Variants in TANC1 observed in about 807,000 individuals in gnomAD.
TANC1 encodes tetratricopeptide repeat, ankyrin repeat and coiled-coil containing 1, also known as protein TANC1.
Under a neutral mutation model 149.7 loss-of-function variants are expected in TANC1, and 77 were observed. The observed-to-expected ratio is 0.51, with a 90% CI of 0.43 to 0.62. The LOEUF is 0.62. Ranked by LOEUF, TANC1 falls within the 20% of genes least tolerant of loss-of-function variation. The pLI is 0.00. For missense variants in TANC1, 1,985 were observed against 2,321.8 expected (o/e 0.85, Z 2.98); for synonymous variants, 854 against 925.0 (o/e 0.92, Z 1.39).
At chr2:159,113,093 C>T (rs12616335) in intron 4 of TANC1, among the ~76,000 whole-genome samples, 7,789 of 152,138 alleles carry the variant, frequency 0.051, 707 homozygotes, top group East Asian at 0.43. Flanking sequence ...TGTCACTACG[C>T]GTGGCTAATT....
chr2:159,226,479 TAGA>T (rs1414254932), intron 24 of TANC1: 1 of 152,244 alleles, frequency 6.6e-6, no homozygotes, highest in Admixed American at 6.5e-5. Flanking sequence ...CAGACATTTC[TAGA>T]AGAAAAGGGT....
intron 19 of TANC1, among the ~76,000 whole-genome samples, chr2:159,200,992 G>T (rs1310449827): frequency 1.3e-5 from 2 of 152,032 alleles, no homozygotes; most frequent in Non-Finnish European, 2.9e-5. Context: ...ATTTCATCAG[G>T]CAAGAGTTTA....
chr2:159,025,706 T>G (rs2039285843), intron 2 of TANC1, among the ~76,000 whole-genome samples: 1 of 152,204 alleles, frequency 6.6e-6, no homozygotes, highest in Non-Finnish European at 1.5e-5. Flanking sequence ...ACCATATTTT[T>G]ATTTATTTCT....
intron 19 of TANC1, 53 bp downstream of exon 19, chr2:159,199,106 C>A: frequency 6.9e-7 from 1 of 1,446,716 alleles, no homozygotes; most frequent in Non-Finnish European, 9.7e-7. Context: ...GATGTTTTAG[C>A]CCTATTTTGG....
At chr2:159,040,078 T>C (rs1475509978) in intron 2 of TANC1, among the ~76,000 whole-genome samples, 1 of 152,246 alleles carries the variant, frequency 6.6e-6, no homozygotes, top group African/African-American at 2.4e-5. Context: ...GCTCTTCTTG[T>C]TGTATTGATC....
intron 7 of TANC1, among the ~76,000 whole-genome samples, chr2:159,160,041 A>C (rs1179367403): frequency 6.6e-6 from 1 of 152,206 alleles, no homozygotes; most frequent in East Asian, 1.9e-4. Flanking sequence ...GTACACTAGT[A>C]CAAAGGAAGA....
intron 2 of TANC1, among the ~76,000 whole-genome samples, chr2:159,043,575 T>C (rs528348384): frequency 2.0e-5 from 3 of 152,336 alleles, no homozygotes; most frequent in East Asian, 3.9e-4. Flanking sequence ...AGTGCACTCT[T>C]TTGAAGCTTT....
intron 7 of TANC1, among the ~76,000 whole-genome samples, chr2:159,159,388 C>T (rs982894922): frequency 6.8e-5 from 10 of 146,958 alleles, no homozygotes; most frequent in East Asian, 2.0e-4. Flanking sequence ...TGCAGTGAGC[C>T]GAGATAGCAC....
intron 19 of TANC1, 148 bp downstream of exon 19, chr2:159,199,201 T>C: frequency 1.7e-6 from 1 of 572,502 alleles, no homozygotes; most frequent in Middle Eastern, 2.8e-4. Flanking sequence ...CCTTGAACTT[T>C]CTACATGAGT....
chr2:159,218,851 C>G (rs994763140), intron 20 of TANC1, among the ~76,000 whole-genome samples: 3 of 152,162 alleles, frequency 2.0e-5, no homozygotes, highest in Non-Finnish European at 2.9e-5. Context: ...GCTGTAGGTA[C>G]TTAGTTTCAG....
At chr2:159,186,579 G>C (rs1224562041) in intron 15 of TANC1, among the ~76,000 whole-genome samples, 1 of 152,124 alleles carries the variant, frequency 6.6e-6, no homozygotes, top group Admixed American at 6.5e-5. Context: ...GGAGGTGGAG[G>C]TTGAAGTGAG....
rs116662444 is a variant in TANC1 at position 159,075,736 on chromosome 2, G to A, written c.61+9765G>A. 3.6e-3 allele frequency among the ~76,000 whole-genome samples: 550 copies of A among 151,258 alleles called. 5 individuals are homozygous for A. Among genetic ancestry groups the A allele is most frequent in the African/African-American group, 0.012 (509 of 41,178 alleles). On this transcript the variant is annotated intron_variant, in intron 3 of 26. Transcript: ENST00000263635. ...GTACCAATGTACCATGGTTTTATTTGGGCCCATTTTGTTTCCATATTTTTT... is the reference window on the plus strand; with the variant it reads ...GTACCAATGTACCATGGTTTTATTTAGGCCCATTTTGTTTCCATATTTTTT...
At chr2:159,069,485 G>A (rs185412899) in intron 3 of TANC1, among the ~76,000 whole-genome samples, 23 of 152,080 alleles carry the variant, frequency 1.5e-4, no homozygotes, top group Admixed American at 1.4e-3. Context: ...CCTTTACCAC[G>A]TTTCTTAATT....
chr2:159,012,985 A>G (rs536069929), intron 2 of TANC1, among the ~76,000 whole-genome samples: 10 of 152,216 alleles, frequency 6.6e-5, no homozygotes, highest in African/African-American at 2.4e-4. Context: ...TAAATTCTGT[A>G]TTCTTTTTGA....
intron 4 of TANC1, among the ~76,000 whole-genome samples, chr2:159,132,871 C>T (rs2050249414): frequency 6.6e-6 from 1 of 151,966 alleles, no homozygotes. Context: ...AGGGTTGAGT[C>T]TATGAGTTAG....
intron 3 of TANC1, among the ~76,000 whole-genome samples, chr2:159,075,285 A>G (rs1311620975): frequency 6.6e-6 from 1 of 152,110 alleles, no homozygotes; most frequent in East Asian, 1.9e-4. Flanking sequence ...TTCGAAAAAT[A>G]CGCTGGGCCC....
At chr2:159,149,395 T>C in intron 6 of TANC1, 123 bp downstream of exon 6, 1 of 1,412,426 alleles carries the variant, frequency 7.1e-7, no homozygotes, top group Non-Finnish European at 9.9e-7. Flanking sequence ...TGGGCTGTTG[T>C]GTATTGAAAT....
intron 2 of TANC1, among the ~76,000 whole-genome samples, chr2:159,004,926 C>T (rs980341914): frequency 4.6e-5 from 7 of 152,120 alleles, no homozygotes; most frequent in African/African-American, 1.2e-4. Flanking sequence ...GACAGCAAGC[C>T]AGTCATAAGC....
At chr2:159,141,523 A>G (rs1187783400) in intron 5 of TANC1, among the ~76,000 whole-genome samples, 9 of 152,244 alleles carry the variant, frequency 5.9e-5, no homozygotes, top group Admixed American at 5.9e-4. Context: ...CTTTGAGACC[A>G]CATTAAGGGA....
Sources: gnomAD v4.1 joint callset for allele counts (sites outside exome capture counted in the v4.1 genomes callset) on GRCh38, gnomAD v4.1.1 for gene constraint, MANE v1.5 for transcripts, NCBI Gene and HGNC (gene_info 2026-07-23, HGNC 2026-07-21) for gene names.